Variants in DPYD observed in about 807,000 individuals in gnomAD.
The protein encoded by DPYD is dihydropyrimidine dehydrogenase [NADP(+)].
A neutral mutation model predicts 116.2 loss-of-function variants in DPYD; 109 were observed. That is an observed-to-expected ratio of 0.94 (90% CI 0.80 to 1.10). DPYD has a LOEUF of 1.10. DPYD is among the 50% of genes least tolerant of loss of function. The pLI is 0.00. For missense variants in DPYD, 1,302 were observed against 1,254.5 expected, an observed-to-expected ratio of 1.04 and a Z score of -0.57; for synonymous variants, 440 against 432.0, an observed-to-expected ratio of 1.02 and a Z score of -0.23.
At chr1:97,190,861 G>T (rs1397392136) in intron 20 of DPYD, among the ~76,000 whole-genome samples, 1 of 152,114 alleles carries the variant, frequency 6.6e-6, no homozygotes, top group African/African-American at 2.4e-5. Flanking sequence ...TGACCTATGA[G>T]TGAATATCAG....
chr1:97,090,089 A>G (rs1649799242), intron 21 of DPYD, among the ~76,000 whole-genome samples: 1 of 152,096 alleles, frequency 6.6e-6, no homozygotes, highest in Non-Finnish European at 1.5e-5. Flanking sequence ...TATGAATTCC[A>G]ATTTAACAAA....
chr1:97,720,930 T>C (rs555869278), intron 5 of DPYD: 2 of 1,607,080 alleles, frequency 1.2e-6, no homozygotes, highest in African/African-American at 1.3e-5. Context: ...TCAAAGTCTA[T>C]GGGATAAACA....
intron 10 of DPYD, among the ~76,000 whole-genome samples, chr1:97,579,060 C>T (rs1653462819): frequency 6.6e-6 from 1 of 152,174 alleles, no homozygotes; most frequent in Non-Finnish European, 1.5e-5. Context: ...ACATTCTATC[C>T]TTTATGTCCA....
intron 5 of DPYD, among the ~76,000 whole-genome samples, chr1:97,714,183 T>C (rs577478766): frequency 2.6e-5 from 4 of 152,002 alleles, no homozygotes; most frequent in Non-Finnish European, 5.9e-5. Flanking sequence ...CACTTAACGC[T>C]TCAAGGCTCC....
At chr1:97,687,786 C>T (rs899768681) in intron 7 of DPYD, among the ~76,000 whole-genome samples, 3 of 152,158 alleles carry the variant, frequency 2.0e-5, no homozygotes, top group African/African-American at 4.8e-5. Flanking sequence ...CCATGGACTA[C>T]TATGCAGCCA....
At position 97,546,903 on chromosome 1, in the gene DPYD, C is replaced by G. The variant is rs1650913452; in HGVS notation, c.1524+2657G>C. On this transcript the variant is annotated intron_variant, in intron 12 of 22. Transcript: ENST00000370192. ...TAGAGGGGGATGAAGACCAGGAGGA[C>G]AGTGAGGGCTTTGAAGATAGCTTTG... The G allele has an allele frequency of 7.5e-6, 12 of 1,608,670 alleles. No individual in the cohort carries two copies. The African/African-American group carries it at 9.3e-5, about 13-fold the overall frequency.
intron 13 of DPYD, among the ~76,000 whole-genome samples, chr1:97,463,098 T>C (rs1677112758): frequency 6.6e-6 from 1 of 152,236 alleles, no homozygotes. Flanking sequence ...AACCAATGTA[T>C]ATCTTGCATG....
At chr1:97,911,257 C>T (rs1017434735) in intron 1 of DPYD, among the ~76,000 whole-genome samples, 1 of 151,950 alleles carries the variant, frequency 6.6e-6, no homozygotes, top group African/African-American at 2.4e-5. Flanking sequence ...TGATCTTAAG[C>T]ATAAAGGATG....
At chr1:97,134,011 AAAAATATATATATATATATAT>A (rs1489883832) in intron 20 of DPYD, among the ~76,000 whole-genome samples, 386 of 35,204 alleles carry the variant, frequency 0.011, 46 homozygotes, top group South Asian at 0.029. Context: ...AAAAAAAAAA[AAAAATATATATATATATATAT>A]ATATATATAT....
At chr1:97,507,649 T>A (rs1247132933) in intron 13 of DPYD, among the ~76,000 whole-genome samples, 1 of 152,006 alleles carries the variant, frequency 6.6e-6, no homozygotes, top group Non-Finnish European at 1.5e-5. Flanking sequence ...TTACATGACA[T>A]GTTTGTGAAA....
intron 6 of DPYD, among the ~76,000 whole-genome samples, chr1:97,694,065 G>C (rs535807241): frequency 1.2e-4 from 19 of 152,224 alleles, no homozygotes; most frequent in Non-Finnish European, 2.4e-4. Context: ...GCAGGCACCA[G>C]AGAAAATGGA....
chr1:97,781,926 G>A (rs935402822), intron 3 of DPYD, among the ~76,000 whole-genome samples: 13 of 152,234 alleles, frequency 8.5e-5, no homozygotes, highest in African/African-American at 3.1e-4. Flanking sequence ...CTTAGCAAAG[G>A]TTGAGAAAGC....
In DPYD at chr1:97,721,550, C is replaced by G. The variant is rs1295898768; in HGVS notation, c.443G>C (p.Gly148Ala). 1 of 1,611,712 alleles carries G rather than the reference C, an allele frequency of 6.2e-7. No individual in the cohort carries two copies. Among genetic ancestry groups the G allele is most frequent in the Non-Finnish European group, 8.5e-7 (1 of 1,178,384 alleles). The stretch of plus-strand genomic sequence containing the variant: ...CTGCAATCCACCAATATTAATGGGT[C>G]CCTCTTCAGTGGCATATAAATTGCA... ...GGCNLYATEE[G>A]PINIGGLQQF... Residue 148 changes from glycine (G) to alanine (A), a missense_variant, in exon 5 of 23, where the codon GGA becomes GCA. By Grantham distance (60) the Gly-to-Ala change is moderately conservative (BLOSUM62 0). Coordinates refer to ENST00000370192, the MANE Select transcript of DPYD (RefSeq NM_000110.4).
intron 19 of DPYD, among the ~76,000 whole-genome samples, chr1:97,198,193 A>ATGCTGC (rs977581418): frequency 1.3e-5 from 2 of 151,704 alleles, no homozygotes; most frequent in African/African-American, 4.8e-5. Flanking sequence ...TTTTCGGGGG[A>ATGCTGC]TGCTGCTGCT....
At chr1:97,782,518 T>C (rs1165182097) in intron 3 of DPYD, among the ~76,000 whole-genome samples, 1 of 152,228 alleles carries the variant, frequency 6.6e-6, no homozygotes, top group Non-Finnish European at 1.5e-5. Flanking sequence ...CTAAGAATTA[T>C]ACATTTGCTG....
rs766878892 is a variant in DPYD at position 97,079,021 on chromosome 1, A to G, written c.3033T>C (p.Tyr1011=). 3.1e-6 allele frequency: 5 copies of G among 1,613,782 alleles called. No homozygotes were observed. In the South Asian group the frequency reaches 5.5e-5, roughly 18 times the overall value. ...ATAAGGGTACGCCTCTCTTTGGTTC[A>G]TAAGGTGTTGTCCTGGAAACCATTT... ...CIKMVSRTTP[Y]EPKRGVPLSV... Residue 1011 remains tyrosine (Y), a synonymous_variant, in exon 23 of 23, where the codon TAT becomes TAC. Transcript: ENST00000370192.
At chr1:97,409,821 A>G (rs1673874457) in intron 14 of DPYD, among the ~76,000 whole-genome samples, 1 of 152,204 alleles carries the variant, frequency 6.6e-6, no homozygotes, top group Admixed American at 6.5e-5. Flanking sequence ...AGGGCCAGGC[A>G]CAATGGCTCA....
At chr1:97,656,696 T>C (rs146700171) in intron 8 of DPYD, among the ~76,000 whole-genome samples, 6 of 152,312 alleles carry the variant, frequency 3.9e-5, no homozygotes, top group East Asian at 1.9e-4. Context: ...GGACAGGATA[T>C]AGAGATACAC....
At chr1:97,563,329 G>T (rs1652296262) in intron 11 of DPYD, among the ~76,000 whole-genome samples, 1 of 152,006 alleles carries the variant, frequency 6.6e-6, no homozygotes, top group Admixed American at 6.6e-5. Context: ...TATAGGCTGT[G>T]GTCAATAAAG....
Sources: gnomAD v4.1 joint callset for allele counts (sites outside exome capture counted in the v4.1 genomes callset) on GRCh38, gnomAD v4.1.1 for gene constraint, MANE v1.5 for transcripts, NCBI Gene and HGNC (gene_info 2026-07-23, HGNC 2026-07-21) for gene names.